Variants in WDR47 observed in about 807,000 individuals in gnomAD.
WDR47 encodes the protein WD repeat domain 47, also known as WD repeat-containing protein 47.
A neutral mutation model predicts 97.2 loss-of-function variants in WDR47; 32 were observed. The observed-to-expected ratio is 0.33, with a 90% CI of 0.25 to 0.44. The LOEUF (loss-of-function observed/expected upper bound fraction) is 0.44, where lower values mean the gene tolerates loss of function less well. WDR47 is among the 20% of genes least tolerant of loss of function. WDR47 has a pLI of 1.00. For missense variants in WDR47, 782 were observed against 1,102.3 expected, an observed-to-expected ratio of 0.71 and a Z score of 4.11; for synonymous variants, 375 against 373.5, an observed-to-expected ratio of 1.00 and a Z score of -0.05.
rs543379809 is a variant in WDR47, at chr1:109,031,095, G to A, written c.-9-7574C>T. Among the ~76,000 whole-genome samples the A allele has an allele frequency of 1.7e-4, 24 of 140,100 alleles. 6 individuals are homozygous for A. The highest frequency in any genetic ancestry group is 3.5e-3 in the Middle Eastern group (1 of 284). The allele number at this position is 140,100 out of a possible 152,430, so 91.9% of individuals were successfully genotyped here. A position where few individuals can be genotyped will look rare whatever the true frequency, so the allele number is the denominator to read the frequency against. On this transcript the variant is annotated intron_variant, in intron 1 of 14. Coordinates refer to ENST00000369962, the MANE Select transcript of WDR47 (RefSeq NM_001142551.2). ...CAGAAGCCTGTAATTAATAAAGTCT[G>A]TTTAATAAGAAGAAACAAAATAGAT...
intron 1 of WDR47, chr1:109,041,554 G>C (rs576243845): frequency 1.3e-5 from 2 of 152,498 alleles, no homozygotes; most frequent in South Asian, 4.1e-4. Context: ...CCAGGGCGAG[G>C]GGCGTCGCTC....
At chr1:109,028,945 G>A (rs1047579159) in intron 1 of WDR47, among the ~76,000 whole-genome samples, 1 of 151,930 alleles carries the variant, frequency 6.6e-6, no homozygotes. Context: ...AAATGTAATT[G>A]TGAATTTTCC....
At chr1:108,981,710 A>G in intron 13 of WDR47, 23 bp downstream of exon 13, 1 of 1,601,542 alleles carries the variant, frequency 6.2e-7, no homozygotes, top group South Asian at 1.1e-5. Context: ...TTTCCCATAT[A>G]TATCATTTAA....
chr1:108,986,299 T>C (rs183473120), intron 10 of WDR47, among the ~76,000 whole-genome samples: 2 of 152,156 alleles, frequency 1.3e-5, no homozygotes, highest in Non-Finnish European at 1.5e-5. Flanking sequence ...ATGAGCAATG[T>C]TGTAATCAAA....
At chr1:109,003,844 C>T (rs1415541791) in intron 6 of WDR47, among the ~76,000 whole-genome samples, 1 of 152,112 alleles carries the variant, frequency 6.6e-6, no homozygotes, top group African/African-American at 2.4e-5. Flanking sequence ...ACCATTTCCT[C>T]ACAAAAACAC....
Position 109,010,925 on chromosome 1 carries a change from G to T in WDR47, c.1121C>A (p.Ser374Tyr), listed in dbSNP as rs768677548. 20 of 1,610,570 alleles carry T rather than the reference G, an allele frequency of 1.2e-5. No individual in the cohort carries two copies. The highest frequency in any genetic ancestry group is 1.6e-5 in the Non-Finnish European group (19 of 1,177,686). Reference sequence around the variant, plus strand: ...ATAACCAAATGCTTACCGCTCAGGGGATTCTTCGTAAATACTGTGACATTC... The same window carrying T: ...ATAACCAAATGCTTACCGCTCAGGGTATTCTTCGTAAATACTGTGACATTC... Reference protein sequence around the residue: ...NTECHSIYEESPERDTPVDAQ... With the variant: ...NTECHSIYEEYPERDTPVDAQ... The change falls in exon 5 of 15, where the codon TCC becomes TAC. Residue 374 changes from serine (S) to tyrosine (Y), a missense_variant. Around this residue, in one of 3 missense-constraint regions of WDR47, gnomAD observed 428 missense variants for 584.3 expected, o/e 0.73. Coordinates refer to ENST00000369962, the MANE Select transcript of WDR47 (RefSeq NM_001142551.2).
intron 2 of WDR47, among the ~76,000 whole-genome samples, chr1:109,022,838 A>G (rs1181467385): frequency 6.6e-6 from 1 of 151,842 alleles, no homozygotes; most frequent in Non-Finnish European, 1.5e-5. Flanking sequence ...CGCCTGCCTC[A>G]GCCTCCCAAA....
At chr1:109,033,119 C>T (rs1390676554) in intron 1 of WDR47, among the ~76,000 whole-genome samples, 1 of 151,774 alleles carries the variant, frequency 6.6e-6, no homozygotes, top group Non-Finnish European at 1.5e-5. Flanking sequence ...GATGGTGAAA[C>T]CCCGTCTCTA....
intron 10 of WDR47, 52 bp downstream of exon 10, chr1:108,986,471 G>T (rs374991397): frequency 3.3e-6 from 5 of 1,500,728 alleles, no homozygotes; most frequent in Non-Finnish European, 4.5e-6. Context: ...GAACCTATAC[G>T]GCTAAATTAA....
intron 9 of WDR47, among the ~76,000 whole-genome samples, chr1:108,989,183 C>G (rs1165981930): frequency 6.6e-6 from 1 of 152,194 alleles, no homozygotes; most frequent in East Asian, 1.9e-4. Flanking sequence ...CCGTGTTACC[C>G]TGACCAGGAC....
In WDR47 at chr1:108,995,836, A is replaced by C; in HGVS notation, c.1435T>G (p.Ser479Ala). Residue 479 changes from serine (S) to alanine (A), a missense_variant and splice_region_variant, in exon 8 of 15, where the codon TCC becomes GCC. Around this residue, in one of 3 missense-constraint regions of WDR47, gnomAD observed 428 missense variants for 584.3 expected, o/e 0.73. Coordinates refer to ENST00000369962, the MANE Select transcript of WDR47 (RefSeq NM_001142551.2). ...QNLTEQFLNR[S>A]IQKLGELNIG... ...TTTAATTCACCAAGCTTTTGAATGG[A>C]CCTATAAAATTAAACAATGTAATCA... 6.2e-7 allele frequency: 1 copy of C among 1,612,578 alleles called. No homozygotes were observed. The highest frequency in any genetic ancestry group is 8.5e-7 in the Non-Finnish European group (1 of 1,178,952).
intron 6 of WDR47, 79 bp downstream of exon 6, chr1:109,004,510 ATTC>A (rs1020717614): frequency 3.5e-6 from 5 of 1,448,364 alleles, no homozygotes; most frequent in Non-Finnish European, 4.6e-6. Flanking sequence ...ATATCAGAAA[ATTC>A]TTTTTACATT....
chr1:108,991,211 G>T, intron 9 of WDR47, 43 bp downstream of exon 9: 1 of 1,546,316 alleles, frequency 6.5e-7, no homozygotes, highest in Non-Finnish European at 8.8e-7. Context: ...AAAATTTACA[G>T]GTGCATATGA....
chr1:109,005,483 C>A lies in WDR47; in HGVS notation c.1131-768G>T, dbSNP rs148471898. Among the ~76,000 whole-genome samples, 459 of 152,264 alleles carry A rather than the reference C, an allele frequency of 3.0e-3. 1 individual carries two copies. The highest frequency in any genetic ancestry group is 4.9e-3 in the Non-Finnish European group (331 of 68,014). ...AATCGATTTTTTATTTTCCTTTCTTCTAACACCACAAAAAGGGTTTTAAAA... is the reference window on the plus strand; with the variant it reads ...AATCGATTTTTTATTTTCCTTTCTTATAACACCACAAAAAGGGTTTTAAAA... On this transcript the variant is annotated intron_variant, in intron 5 of 14. Transcript: ENST00000369962.
intron 7 of WDR47, among the ~76,000 whole-genome samples, chr1:108,998,378 T>C (rs901710356): frequency 5.3e-5 from 8 of 151,864 alleles, no homozygotes; most frequent in East Asian, 1.9e-4. Context: ...TGGTGGACAC[T>C]TGTGGTCCCC....
intron 5 of WDR47, among the ~76,000 whole-genome samples, chr1:109,005,603 A>G (rs970914439): frequency 5.3e-5 from 8 of 151,978 alleles, no homozygotes; most frequent in African/African-American, 1.9e-4. Context: ...GGCCGGGCAC[A>G]GTGGCTTACG....
At chr1:108,998,417 G>A (rs962149907) in intron 7 of WDR47, among the ~76,000 whole-genome samples, 3 of 151,936 alleles carry the variant, frequency 2.0e-5, no homozygotes, top group South Asian at 2.1e-4. Context: ...ATGGTGAATC[G>A]CTTGAACCTG....
At chr1:109,006,544 C>A (rs12733818) in intron 5 of WDR47, among the ~76,000 whole-genome samples, 15,892 of 152,158 alleles carry the variant, frequency 0.1, 950 homozygotes, top group African/African-American at 0.15. Flanking sequence ...AGTAACATTT[C>A]ATTTAATTTT....
intron 2 of WDR47, among the ~76,000 whole-genome samples, chr1:109,020,270 TCTGTC>T (rs1467961426): frequency 2.7e-5 from 4 of 150,892 alleles, no homozygotes; most frequent in Non-Finnish European, 5.9e-5. Flanking sequence ...AGAGTCTTGC[TCTGTC>T]GCCCAGGCTG....
Sources: allele counts gnomAD v4.1 joint callset (sites outside exome capture counted in the v4.1 genomes callset), GRCh38; gene constraint gnomAD v4.1.1; regional missense constraint gnomAD v4.1.1; transcripts MANE v1.5; gene names NCBI Gene and HGNC (gene_info 2026-07-23, HGNC 2026-07-21).